Variants in SUSD4 observed in about 807,000 individuals in gnomAD.
The protein encoded by SUSD4 is sushi domain containing 4, also known as sushi domain-containing protein 4.
Under a neutral mutation model 50.5 loss-of-function variants are expected in SUSD4, and 41 were observed. That is an observed-to-expected ratio of 0.81 (90% confidence interval 0.63 to 1.05). The LOEUF (loss-of-function observed/expected upper bound fraction) is 1.05. SUSD4 is among the 50% of genes least tolerant of loss of function. The probability of loss-of-function intolerance (pLI) is 0.00; values close to 1 mark genes in which losing one functional copy is unlikely to be tolerated. For synonymous variants in SUSD4, 257 were observed against 257.3 expected (o/e 1.00, Z 0.01); for missense variants, 580 against 634.7 (o/e 0.91, Z 0.93).
chr1:223,277,013 A>G (rs1303451603), intron 3 of SUSD4, among the ~76,000 whole-genome samples: 1 of 152,216 alleles, frequency 6.6e-6, no homozygotes, highest in East Asian at 1.9e-4. Flanking sequence ...TGGAAACATG[A>G]GTATGACCAC....
At chr1:223,325,626 A>C (rs189202400) in intron 2 of SUSD4, among the ~76,000 whole-genome samples, 131 of 152,354 alleles carry the variant, frequency 8.6e-4, no homozygotes, top group Non-Finnish European at 2.6e-4. Flanking sequence ...AAAACCCTGA[A>C]GACTCTTCCA....
chr1:223,321,164 T>C (rs1041740480), intron 2 of SUSD4, among the ~76,000 whole-genome samples: 1 of 152,158 alleles, frequency 6.6e-6, no homozygotes, highest in Non-Finnish European at 1.5e-5. Flanking sequence ...ACGCTGACAC[T>C]GCACAGCCAG....
chr1:223,235,199 C>T (rs1239138371), intron 5 of SUSD4: 1 of 1,321,738 alleles, frequency 7.6e-7, no homozygotes, highest in East Asian at 2.6e-5. Flanking sequence ...AAAATAAAGA[C>T]TTTATTTTTA....
Position 223,263,682 on chromosome 1 carries a change from C to T in SUSD4, c.724+948G>A, listed in dbSNP as rs778586355. 5.1e-4 allele frequency: 506 copies of T among 985,248 alleles called. 1 individual carries two copies. Among genetic ancestry groups the T allele is most frequent in the Non-Finnish European group, 5.8e-4 (485 of 829,928 alleles). The allele number at this position is 985,248 out of a possible 1,614,324, so 61.0% of individuals were successfully genotyped here. A position where few individuals can be genotyped will look rare whatever the true frequency, so the allele number is the denominator to read the frequency against. On this transcript the variant is annotated intron_variant, in intron 5 of 8. Coordinates refer to ENST00000366878, the MANE Select transcript of SUSD4 (RefSeq NM_017982.4). Reference sequence around the variant, plus strand: ...CCCCACTCCACATCCCTAGAGAGGCCGTCTCTGATCCTTCTGAGCAATAGT... The same window carrying T: ...CCCCACTCCACATCCCTAGAGAGGCTGTCTCTGATCCTTCTGAGCAATAGT...
At chr1:223,228,851 C>T (rs1659699017) in intron 6 of SUSD4, among the ~76,000 whole-genome samples, 1 of 151,824 alleles carries the variant, frequency 6.6e-6, no homozygotes, top group Admixed American at 6.5e-5. Flanking sequence ...GAGGTCTTTC[C>T]ATGGATGCTA....
At chr1:223,287,515 CA>C (rs1664221555) in intron 3 of SUSD4, among the ~76,000 whole-genome samples, 1 of 152,126 alleles carries the variant, frequency 6.6e-6, no homozygotes, top group Non-Finnish European at 1.5e-5. Context: ...TCTGCTCAGG[CA>C]GTTCATTTTA....
chr1:223,273,355 G>C (rs540188406), intron 3 of SUSD4, among the ~76,000 whole-genome samples: 11 of 152,114 alleles, frequency 7.2e-5, no homozygotes, highest in Non-Finnish European at 1.2e-4. Flanking sequence ...ATCCTCAAAG[G>C]GTTTCCCATA....
At chr1:223,297,875 T>C (rs1664933247) in intron 2 of SUSD4, among the ~76,000 whole-genome samples, 2 of 152,056 alleles carry the variant, frequency 1.3e-5, no homozygotes, top group African/African-American at 2.4e-5. Context: ...AAGCAAGGGA[T>C]GGATGGATGG....
chr1:223,234,930 C>T, intron 5 of SUSD4: 2 of 1,566,140 alleles, frequency 1.3e-6, no homozygotes, highest in South Asian at 1.2e-5. Context: ...TTCAAACGTC[C>T]TTTATTGCAG....
intron 3 of SUSD4, among the ~76,000 whole-genome samples, chr1:223,280,982 T>C (rs1372080695): frequency 6.6e-6 from 1 of 152,236 alleles, no homozygotes; most frequent in African/African-American, 2.4e-5. Flanking sequence ...TGCTCCTGAA[T>C]GACTACTAGT....
intron 2 of SUSD4, among the ~76,000 whole-genome samples, chr1:223,324,163 G>A (rs1227073536): frequency 2.7e-5 from 4 of 147,252 alleles, no homozygotes; most frequent in African/African-American, 5.1e-5. Flanking sequence ...TATGGCATCA[G>A]GCACATAGTG....
intron 2 of SUSD4, among the ~76,000 whole-genome samples, chr1:223,331,195 A>G (rs2103271177): frequency 6.6e-6 from 1 of 152,338 alleles, no homozygotes; most frequent in South Asian, 2.1e-4. Flanking sequence ...ATTAGCAATC[A>G]TAACTGCTCA....
chr1:223,316,293 A>G (rs958164148), intron 2 of SUSD4, among the ~76,000 whole-genome samples: 1 of 152,122 alleles, frequency 6.6e-6, no homozygotes, highest in Non-Finnish European at 1.5e-5. Context: ...ACTTCTGGGG[A>G]GAAGTGAGGG....
At chr1:223,286,458 C>T (rs1336261583) in intron 3 of SUSD4, among the ~76,000 whole-genome samples, 3 of 151,932 alleles carry the variant, frequency 2.0e-5, no homozygotes, top group Non-Finnish European at 4.4e-5. Flanking sequence ...GTCATGTTGA[C>T]CAGGCTGGTC....
intron 4 of SUSD4, 116 bp downstream of exon 4, chr1:223,268,386 G>A (rs1662668457): frequency 7.3e-7 from 1 of 1,367,188 alleles, no homozygotes; most frequent in Non-Finnish European, 9.8e-7. Context: ...GGGGTAGATG[G>A]CTTTGTTCAT....
At chr1:223,237,239 G>A (rs1558170440) in intron 5 of SUSD4, among the ~76,000 whole-genome samples, 1 of 151,966 alleles carries the variant, frequency 6.6e-6, no homozygotes, top group Non-Finnish European at 1.5e-5. Context: ...AGTTCTAGGA[G>A]GGTTTTTTGG....
chr1:223,264,753 G>C lies in SUSD4; in HGVS notation c.601C>G (p.Pro201Ala). The C allele has an allele frequency of 6.2e-7, 1 of 1,614,208 alleles. No homozygotes were observed. Among genetic ancestry groups the C allele is most frequent in the Non-Finnish European group, 8.5e-7 (1 of 1,180,034 alleles). Residue 201 changes from proline to alanine, a missense_variant, in exon 5 of 9, where the codon CCG becomes GCG. Transcript: ENST00000366878. ...CGATAGGAGATCACAGTCCCCACCG[G>C]GAAGGAGGTCTGGAGCTCAGAGATG... ...VNISELQTSF[P>A]VGTVISYRCF...
At chr1:223,264,326 G>GA (rs1218845616) in intron 5 of SUSD4, 1 of 1,093,882 alleles carries the variant, frequency 9.1e-7, no homozygotes, top group Non-Finnish European at 1.1e-6. Context: ...TTGGTGCAGA[G>GA]AAAATTAATT....
chr1:223,272,941 G>A (rs1472041690), intron 3 of SUSD4, among the ~76,000 whole-genome samples: 2 of 152,178 alleles, frequency 1.3e-5, no homozygotes, highest in Non-Finnish European at 2.9e-5. Context: ...AGCTAAAGGT[G>A]CTAGAAAGTA....
Sources: allele counts gnomAD v4.1 joint callset (sites outside exome capture counted in the v4.1 genomes callset), GRCh38; gene constraint gnomAD v4.1.1; transcripts MANE v1.5; gene names NCBI Gene and HGNC (gene_info 2026-07-23, HGNC 2026-07-21).